Variants in MYOM1 observed in about 807,000 individuals in gnomAD.
The protein encoded by MYOM1 is myomesin 1.
In MYOM1, 164 loss-of-function variants were observed where a neutral mutation model predicts 205.3. The ratio of observed to expected loss-of-function variants is 0.80; its 90% CI spans 0.70 to 0.91. The LOEUF (loss-of-function observed/expected upper bound fraction) is 0.91, where lower values mean the gene tolerates loss of function less well. Ranked by LOEUF, MYOM1 falls within the 40% of genes least tolerant of loss-of-function variation. The probability of loss-of-function intolerance (pLI) is 0.00; values close to 1 mark genes in which losing one functional copy is unlikely to be tolerated. For synonymous variants in MYOM1, 772 were observed against 789.4 expected (o/e 0.98, Z 0.37); for missense variants, 2,011 against 2,127.3 (o/e 0.95, Z 1.08).
Position 3,151,720 on chromosome 18 carries a change from T to A in MYOM1, c.1817A>T (p.Asp606Val), listed in dbSNP as rs1368256168. 1.9e-6 allele frequency: 3 copies of A among 1,613,606 alleles called. No homozygotes were observed. In the African/African-American group the frequency reaches 4.0e-5, roughly 22 times the overall value. Reference protein sequence around the residue: ...SRVSEPVAALDPAEKARLKSR... With the variant: ...SRVSEPVAALVPAEKARLKSR... ...TTTAAGTCTAGCTTTCTCAGCCGGA[T>A]CCAGAGCAGCCACGGGCTCGGAAAC... The change falls in exon 12 of 38, where the codon GAT becomes GTT. Residue 606 changes from aspartate to valine, a missense_variant. Transcript: ENST00000356443.
At chr18:3,074,895 G>A (rs527873833) in intron 36 of MYOM1, among the ~76,000 whole-genome samples, 2 of 152,014 alleles carry the variant, frequency 1.3e-5, no homozygotes, top group South Asian at 2.1e-4. Context: ...ACGGGTTCAA[G>A]TGATTCTCCT....
At chr18:3,205,340 T>C (rs1368204514) in intron 2 of MYOM1, among the ~76,000 whole-genome samples, 2 of 152,102 alleles carry the variant, frequency 1.3e-5, no homozygotes, top group African/African-American at 2.4e-5. Flanking sequence ...AAAGGACTTG[T>C]ATCCAAACCA....
chr18:3,164,536 G>A (rs1033697197), intron 9 of MYOM1, 97 bp from the exon 10 acceptor site: 24 of 1,181,236 alleles, frequency 2.0e-5, no homozygotes, highest in Admixed American at 2.8e-5. Context: ...TTTCTATAAT[G>A]AAAGTAATTT....
chr18:3,112,592 T>G (rs997188369), intron 21 of MYOM1, among the ~76,000 whole-genome samples, 180 bp from the exon 22 acceptor site: 2 of 152,234 alleles, frequency 1.3e-5, no homozygotes, highest in Non-Finnish European at 2.9e-5. Flanking sequence ...TAGCTGTAGA[T>G]GGTCTTCTCT....
intron 2 of MYOM1, among the ~76,000 whole-genome samples, chr18:3,197,926 A>T (rs187284340): frequency 6.6e-6 from 1 of 152,138 alleles, no homozygotes. Flanking sequence ...CTATACTCCA[A>T]TGGCTTGCCT....
At chr18:3,193,767 C>A in intron 3 of MYOM1, 51 bp downstream of exon 3, 2 of 1,563,690 alleles carry the variant, frequency 1.3e-6, no homozygotes, top group Non-Finnish European at 1.7e-6. Context: ...TCCTATAGCA[C>A]TTACTATATA....
At position 3,135,627 on chromosome 18, in the gene MYOM1, A is replaced by C. The variant is rs773184738; in HGVS notation, c.2129T>G (p.Phe710Cys). 29 of 1,613,822 alleles carry C rather than the reference A, an allele frequency of 1.8e-5. No homozygotes were observed. The highest frequency in any genetic ancestry group is 2.5e-5 in the Non-Finnish European group (29 of 1,179,898). Residue 710 changes from phenylalanine to cysteine, a missense_variant, in exon 15 of 38, where the codon TTC (phenylalanine) becomes TGC (cysteine). Transcript: ENST00000356443. This position sits in a 1 kb window ranked among gnomAD's most constrained non-coding sequence, Gnocchi z 4.1. Reference protein sequence around the residue: ...FDLAEGKSYCFRVRCSNSAGV... With the variant: ...FDLAEGKSYCCRVRCSNSAGV... ...TGCAGAATTAGAACAGCGGACACGG[A>C]AACAGTAGGATTTCCCCTCGGCCAA...
At chr18:3,109,812 A>G (rs1598679133) in intron 22 of MYOM1, among the ~76,000 whole-genome samples, 2 of 152,128 alleles carry the variant, frequency 1.3e-5, no homozygotes, top group South Asian at 4.2e-4. Flanking sequence ...TTTCTAATAG[A>G]GACAGGTCCC....
At chr18:3,190,253 C>T (rs1460878317) in intron 3 of MYOM1, 1 of 152,160 alleles carries the variant, frequency 6.6e-6, no homozygotes, top group East Asian at 1.9e-4. Context: ...TCAAATGTTT[C>T]GTGAGAGAGT....
At chr18:3,146,741 A>G (rs1328026683) in intron 13 of MYOM1, among the ~76,000 whole-genome samples, 2 of 152,066 alleles carry the variant, frequency 1.3e-5, no homozygotes, top group African/African-American at 2.4e-5. Flanking sequence ...CTTCTATTCA[A>G]CATTGTACTA....
rs78396376 is a variant in MYOM1, at chr18:3,118,255, G to A, written c.3118+1614C>T. On this transcript the variant is annotated intron_variant, in intron 20 of 37. Coordinates refer to ENST00000356443, the MANE Select transcript of MYOM1 (RefSeq NM_003803.4). ...TACTCAGTAAGTCAAGGATGGGACT[G>A]AGAAGCCAGGGTGTCAGGAGGGTGG... 4.2e-3 allele frequency among the ~76,000 whole-genome samples: 647 copies of A among 152,330 alleles called. 7 individuals carry two copies. The highest frequency in any genetic ancestry group is 0.023 in the South Asian group (109 of 4,822).
chr18:3,188,288 C>T (rs73375184), intron 4 of MYOM1, among the ~76,000 whole-genome samples: 13,742 of 152,116 alleles, frequency 0.09, 897 homozygotes, highest in African/African-American at 0.19. Context: ...TGTTTTCTTA[C>T]GTTTTGTTTC....
rs1365732275 is a variant in MYOM1 at position 3,086,034 on chromosome 18, C to T, written c.4251+4G>A. On this transcript the variant is annotated splice_donor_region_variant and intron_variant, in intron 30 of 37. Transcript: ENST00000356443. ...TATTACATTTTACATTTATAATCGC[C>T]TACCTCTGTTATAAGCAGGGTACAT... 6.4e-7 allele frequency: 1 copy of T among 1,559,326 alleles called. No homozygotes were observed.
Position 3,157,682 on chromosome 18 carries a change from AT to A in MYOM1, c.1502-2595del, listed in dbSNP as rs1405902802. Among the ~76,000 whole-genome samples, 231 of 36,716 alleles carry A rather than the reference AT, an allele frequency of 6.3e-3. 1 individual carries two copies. Among genetic ancestry groups the A allele is most frequent in the Non-Finnish European group, 0.012 (190 of 15,842 alleles). The allele number at this position is 36,716 out of a possible 152,430, so 24.1% of individuals were successfully genotyped here. On this transcript the variant is annotated intron_variant, in intron 10 of 37. Transcript: ENST00000356443. Reference sequence around the variant, plus strand: ...ACAGAGCAAGACCTTGTCTCCAAAAATAATAATAATAATAATAATAATAATA... The same window carrying A: ...ACAGAGCAAGACCTTGTCTCCAAAAAAATAATAATAATAATAATAATAATA...
chr18:3,105,592 T>C (rs2079441888), intron 22 of MYOM1, among the ~76,000 whole-genome samples: 1 of 152,152 alleles, frequency 6.6e-6, no homozygotes, highest in African/African-American at 2.4e-5. Flanking sequence ...TGGTGGCTCA[T>C]GCCTGTAATC....
intron 29 of MYOM1, 88 bp downstream of exon 29, chr18:3,089,086 T>C (rs1033609833): frequency 1.3e-5 from 11 of 845,368 alleles, no homozygotes; most frequent in Non-Finnish European, 2.1e-5. Flanking sequence ...TTGGCTCAGA[T>C]GGAAGAGATG....
Position 3,075,457 on chromosome 18 carries a change from T to G in MYOM1, c.4705A>C (p.Lys1569Gln). The G allele has an allele frequency of 6.2e-7, 1 of 1,611,982 alleles. No individual in the cohort carries two copies. The highest frequency in any genetic ancestry group is 8.5e-7 in the Non-Finnish European group (1 of 1,178,414). ...QRLKQAAIAE[K>Q]NRARVLGGLP... Reference sequence around the variant, plus strand: ...AGTAAAAAAAAAGTTTACTTACTTTTCTCGGCAATGGCAGCTTGTCTGTGG... The same window carrying G: ...AGTAAAAAAAAAGTTTACTTACTTTGCTCGGCAATGGCAGCTTGTCTGTGG... Residue 1569 changes from lysine to glutamine, a missense_variant, in exon 36 of 38, where the codon AAA becomes CAA. Lys to Gln is a moderately conservative substitution (Grantham distance 53). Coordinates refer to ENST00000356443, the MANE Select transcript of MYOM1 (RefSeq NM_003803.4).
chr18:3,211,358 T>C (rs2081189166), intron 2 of MYOM1, among the ~76,000 whole-genome samples: 1 of 152,170 alleles, frequency 6.6e-6, no homozygotes, highest in East Asian at 1.9e-4. Flanking sequence ...AGAGCAATGG[T>C]TCTGACCTTT....
intron 5 of MYOM1, among the ~76,000 whole-genome samples, chr18:3,180,088 G>A (rs2080707175): frequency 6.6e-6 from 1 of 152,170 alleles, no homozygotes; most frequent in East Asian, 1.9e-4. Context: ...TTTGAGGCCA[G>A]GAGTTCGAGA....
Sources: allele counts gnomAD v4.1 joint callset (sites outside exome capture counted in the v4.1 genomes callset), GRCh38; gene constraint gnomAD v4.1.1; non-coding constraint Gnocchi (gnomAD v3.1); transcripts MANE v1.5; gene names NCBI Gene and HGNC (gene_info 2026-07-23, HGNC 2026-07-21).